Variants in ZFAND3 observed in about 807,000 individuals in gnomAD.
ZFAND3 encodes zinc finger AN1-type containing 3.
Under a neutral mutation model 29.6 loss-of-function variants are expected in ZFAND3, and 10 were observed. The ratio of observed to expected loss-of-function variants is 0.34; its 90% CI spans 0.21 to 0.57. The LOEUF is 0.57. Among genes scored for constraint, ZFAND3 ranks in the 20% least tolerant of loss-of-function variants. The pLI is 0.86. For missense variants in ZFAND3, 230 were observed against 304.5 expected (o/e 0.76, Z 1.82); for synonymous variants, 128 against 112.6 (o/e 1.14, Z -0.87).
intron 1 of ZFAND3, among the ~76,000 whole-genome samples, chr6:37,902,812 C>CA: frequency 7.2e-6 from 1 of 139,186 alleles, no homozygotes. Context: ...TTCCTGGGCT[C>CA]AGGTGATTCT....
At chr6:37,926,169 T>C (rs946765596) in intron 1 of ZFAND3, among the ~76,000 whole-genome samples, 1 of 152,234 alleles carries the variant, frequency 6.6e-6, no homozygotes, top group African/African-American at 2.4e-5. Flanking sequence ...AGGATGGATC[T>C]AGCTGAATGC....
At chr6:37,858,817 A>G (rs1764428968) in intron 1 of ZFAND3, among the ~76,000 whole-genome samples, 1 of 152,210 alleles carries the variant, frequency 6.6e-6, no homozygotes, top group Non-Finnish European at 1.5e-5. Context: ...CTCCTTGAGG[A>G]TTTATTAATG....
chr6:37,827,881 A>G (rs1309636753), intron 1 of ZFAND3, among the ~76,000 whole-genome samples: 4 of 152,170 alleles, frequency 2.6e-5, no homozygotes, highest in Admixed American at 6.5e-5. Flanking sequence ...CCTTGGATGG[A>G]AGAGGAGGGC....
Position 38,103,249 on chromosome 6 carries a change from A to G in ZFAND3, c.362-13323A>G, listed in dbSNP as rs369576154. Among the ~76,000 whole-genome samples the G allele has an allele frequency of 4.5e-4, 68 of 152,082 alleles. 1 individual carries two copies. In the South Asian group the frequency reaches 0.013, roughly 30 times the overall value. ...TATGAGAAAAAAAGTTGGCTTTGTT[A>G]TATGTTGTTTTCCTTAAAGTCACAG... On this transcript the variant is annotated intron_variant, in intron 4 of 5. Coordinates refer to ENST00000287218, the MANE Select transcript of ZFAND3 (RefSeq NM_021943.3).
chr6:38,081,744 A>G (rs1305796241), intron 3 of ZFAND3, among the ~76,000 whole-genome samples: 2 of 152,032 alleles, frequency 1.3e-5, no homozygotes, highest in Non-Finnish European at 2.9e-5. Flanking sequence ...CCCAACAACT[A>G]TATCTCTTGC....
At chr6:38,077,316 G>T (rs1764573786) in intron 3 of ZFAND3, among the ~76,000 whole-genome samples, 1 of 152,122 alleles carries the variant, frequency 6.6e-6, no homozygotes, top group Admixed American at 6.6e-5. Flanking sequence ...TGCTGCAAAG[G>T]TAAACAATGT....
chr6:38,086,758 A>G (rs1382316277), intron 4 of ZFAND3, among the ~76,000 whole-genome samples: 1 of 152,170 alleles, frequency 6.6e-6, no homozygotes, highest in African/African-American at 2.4e-5. Context: ...ATGACAGTAT[A>G]TTTTTATGTT....
At chr6:38,136,257 C>T (rs1765840657) in intron 5 of ZFAND3, among the ~76,000 whole-genome samples, 1 of 152,214 alleles carries the variant, frequency 6.6e-6, no homozygotes, top group Non-Finnish European at 1.5e-5. Flanking sequence ...TACCCCAGTA[C>T]AGTGCCTGTG....
At chr6:37,822,785 TG>T (rs1419885649) in intron 1 of ZFAND3, among the ~76,000 whole-genome samples, 1 of 152,156 alleles carries the variant, frequency 6.6e-6, no homozygotes, top group Non-Finnish European at 1.5e-5. Context: ...GGGACTAACA[TG>T]GGTGAAGGCC....
At chr6:37,820,080 G>A in intron 1 of ZFAND3, 64 bp downstream of exon 1, 10 of 1,179,488 alleles carry the variant, frequency 8.5e-6, no homozygotes, top group Non-Finnish European at 1.1e-5. Flanking sequence ...AGGGCAGCCT[G>A]GGCAGGCCTC....
intron 2 of ZFAND3, among the ~76,000 whole-genome samples, chr6:38,028,822 A>G (rs1023900979): frequency 6.6e-6 from 1 of 152,148 alleles, no homozygotes; most frequent in African/African-American, 2.4e-5. Flanking sequence ...GAATTCTATT[A>G]CAGAGTATAG....
intron 1 of ZFAND3, among the ~76,000 whole-genome samples, chr6:37,831,295 T>G (rs2127368090): frequency 6.6e-6 from 1 of 152,306 alleles, no homozygotes; most frequent in African/African-American, 2.4e-5. Context: ...CTATCTTACC[T>G]CATATGGGAA....
chr6:37,869,941 C>G (rs763300346), intron 1 of ZFAND3, among the ~76,000 whole-genome samples: 1 of 150,726 alleles, frequency 6.6e-6, no homozygotes, highest in Non-Finnish European at 1.5e-5. Context: ...TTAATTTGGT[C>G]TTTTTCTAGT....
In ZFAND3 at chr6:38,084,769, G is replaced by T. The variant is rs565788780; in HGVS notation, c.361+2312G>T. On this transcript the variant is annotated intron_variant, in intron 4 of 5. Coordinates refer to ENST00000287218, the MANE Select transcript of ZFAND3 (RefSeq NM_021943.3). ...TACCTCTTAACTAGAAAAAGATGGA[G>T]AATTTCTTGCTTGGAAGGAAATTAA... 1.2e-4 allele frequency among the ~76,000 whole-genome samples: 19 copies of T among 152,264 alleles called. No individual in the cohort carries two copies. In the South Asian group the frequency reaches 3.9e-3, roughly 32 times the overall value.
intron 1 of ZFAND3, among the ~76,000 whole-genome samples, chr6:37,856,563 C>T (rs1486462977): frequency 6.6e-6 from 1 of 152,180 alleles, no homozygotes; most frequent in Non-Finnish European, 1.5e-5. Context: ...TAGTCAGGGG[C>T]ACCCTCCACT....
intron 2 of ZFAND3, among the ~76,000 whole-genome samples, chr6:37,959,302 C>T (rs752582891): frequency 3.0e-4 from 46 of 152,182 alleles, no homozygotes; most frequent in Admixed American, 1.7e-3. Context: ...TTTCTCTCCA[C>T]GGTAGTGATG....
At chr6:37,888,970 A>G (rs1332321861) in intron 1 of ZFAND3, among the ~76,000 whole-genome samples, 1 of 152,194 alleles carries the variant, frequency 6.6e-6, no homozygotes, top group African/African-American at 2.4e-5. Context: ...TGTGGATTGG[A>G]AGCAAACCTT....
At chr6:37,940,163 AGACTT>A (rs1475331773) in intron 2 of ZFAND3, among the ~76,000 whole-genome samples, 3 of 152,178 alleles carry the variant, frequency 2.0e-5, no homozygotes, top group African/African-American at 7.2e-5. Flanking sequence ...GCTCCCTTTT[AGACTT>A]GTCAGGAATA....
intron 2 of ZFAND3, among the ~76,000 whole-genome samples, chr6:37,962,343 G>C (rs552450289): frequency 6.6e-6 from 1 of 152,338 alleles, no homozygotes; most frequent in South Asian, 2.1e-4. Context: ...ATGCCTACAG[G>C]ATCTAGAGAA....
Sources: allele counts gnomAD v4.1 joint callset (sites outside exome capture counted in the v4.1 genomes callset), GRCh38; gene constraint gnomAD v4.1.1; transcripts MANE v1.5; gene names NCBI Gene and HGNC (gene_info 2026-07-23, HGNC 2026-07-21).